Variants in TMIGD2 observed in about 807,000 individuals in gnomAD.
TMIGD2 encodes transmembrane and immunoglobulin domain containing 2, also known as transmembrane and immunoglobulin domain-containing protein 2.
A neutral mutation model predicts 22.6 loss-of-function variants in TMIGD2; 18 were observed. The ratio of observed to expected loss-of-function variants is 0.80; its 90% CI spans 0.55 to 1.18. TMIGD2 has a LOEUF of 1.18. Among genes scored for constraint, TMIGD2 ranks in the 50% most tolerant of loss-of-function variants. The pLI is 0.00. For missense variants in TMIGD2, 361 were observed against 378.2 expected (o/e 0.95, Z 0.38); for synonymous variants, 184 against 154.1 (o/e 1.19, Z -1.44).
In TMIGD2 at chr19:4,293,318, C is replaced by T. The variant is rs568013506; in HGVS notation, c.563-433G>A. On this transcript the variant is annotated intron_variant, in intron 4 of 4. Transcript: ENST00000301272. ...TGTCACCTGGGCTGGAGTGTAGCAG[C>T]GGTGCGATCTCAGCTCACTGCAGTC... Among the ~76,000 whole-genome samples the T allele has an allele frequency of 1.3e-4, 18 of 133,382 alleles. 1 individual carries two copies. The highest frequency in any genetic ancestry group is 5.5e-3 in the Middle Eastern group (1 of 182). 87.5% of individuals were successfully genotyped at this position (133,382 alleles called of 152,430 possible).
At position 4,292,843 on chromosome 19, in the gene TMIGD2, G is replaced by GC. The variant is rs756442311; in HGVS notation, c.604dup (p.Ala202GlyfsTer6). ...AGAGCAGTCCTCACTCTTCTTTGGG[G>GC]CCCCCCGGGGCCGGTATAGGACGTT... is the stretch of plus-strand genomic sequence containing the variant. On this transcript the variant is annotated frameshift_variant, in exon 5 of 5. Transcript: ENST00000301272. LOFTEE classifies it low-confidence loss of function (END_TRUNC). 3 of 1,613,754 alleles carry GC rather than the reference G, an allele frequency of 1.9e-6. No individual in the cohort carries two copies. Among genetic ancestry groups the GC allele is most frequent in the Non-Finnish European group, 1.7e-6 (2 of 1,179,896 alleles).
exon 5 of TMIGD2, chr19:4,292,669 C>G (rs762928645): frequency 6.2e-7 from 1 of 1,606,246 alleles, no homozygotes; most frequent in Non-Finnish European, 8.5e-7. Flanking sequence ...AGGAGAGACC[C>G]TGACCATAGA....
intron 1 of TMIGD2, among the ~76,000 whole-genome samples, chr19:4,300,975 T>C (rs1158629126): frequency 6.6e-6 from 1 of 152,088 alleles, no homozygotes; most frequent in East Asian, 1.9e-4. Flanking sequence ...TTTGTTTTTG[T>C]TTTTGTTTTT....
rs139585674 is a variant in TMIGD2, at chr19:4,294,900, T to G, written c.407-84A>C. The G allele has an allele frequency of 2.7e-4, 355 of 1,309,870 alleles. 3 individuals are homozygous for G. In the East Asian group the frequency reaches 6.0e-3, roughly 22 times the overall value. 81.1% of individuals were successfully genotyped at this position (1,309,870 alleles called of 1,614,324 possible). On this transcript the variant is annotated intron_variant, in intron 2 of 4. Coordinates refer to ENST00000301272, the Ensembl canonical transcript of TMIGD2. ...AGCTCACTTGGGGGGACCTAAGTGT[T>G]CCTCCTCCTGCCAGGCTTTGTGGAT... is the stretch of plus-strand genomic sequence containing the variant.
rs1314268154 is a variant in TMIGD2, at chr19:4,294,732, G to A, written c.448+43C>T. ...AATCAGGAGGGGAAGGGGTGGTGAT[G>A]CGGGTGGAAGACGCTGGGGGAGGAA... On this transcript the variant is annotated intron_variant, in intron 3 of 4. Transcript: ENST00000301272. 6 of 1,571,824 alleles carry A rather than the reference G, an allele frequency of 3.8e-6. No homozygotes were observed. In the East Asian group the frequency reaches 6.9e-5, roughly 18 times the overall value.
intron 1 of TMIGD2, among the ~76,000 whole-genome samples, 198 bp from the exon 2 acceptor site, chr19:4,298,543 C>T (rs578182107): frequency 1.6e-3 from 237 of 152,148 alleles, no homozygotes; most frequent in African/African-American, 5.3e-3. Flanking sequence ...TCCAGACCAG[C>T]CTGGGAACAT....
exon 2 of TMIGD2, chr19:4,298,017 C>A (rs1485167397): frequency 6.2e-7 from 1 of 1,609,252 alleles, no homozygotes; most frequent in East Asian, 2.2e-5. Context: ...TTATGTTGCC[C>A]TCAGCCTCCT....
At chr19:4,301,531 G>A (rs866735009) in intron 1 of TMIGD2, among the ~76,000 whole-genome samples, 3 of 152,170 alleles carry the variant, frequency 2.0e-5, no homozygotes, top group East Asian at 3.9e-4. Context: ...TTAGCCAGGC[G>A]CAGTGGCGCG....
At chr19:4,292,526 C>T (rs1319149073) in exon 5 of TMIGD2, 18 of 1,447,134 alleles carry the variant, frequency 1.2e-5, no homozygotes, top group Middle Eastern at 2.2e-4. Flanking sequence ...CGTGAGCCAC[C>T]GTGTCTGGCC....
At position 4,297,979 on chromosome 19, in the gene TMIGD2, C is replaced by T; in HGVS notation, c.406+7G>A. 1 of 1,565,182 alleles carries T rather than the reference C, an allele frequency of 6.4e-7. No individual in the cohort carries two copies. The highest frequency in any genetic ancestry group is 8.7e-7 in the Non-Finnish European group (1 of 1,151,520). On this transcript the variant is annotated splice_region_variant and intron_variant, in intron 2 of 4. Coordinates refer to ENST00000301272, the Ensembl canonical transcript of TMIGD2. ...CTGCCCCTCCCTCTCCCCGCTGGCTCCCGTACCTGGGTCCACAAAGAGCCT... is the reference window on the plus strand; with the variant it reads ...CTGCCCCTCCCTCTCCCCGCTGGCTTCCGTACCTGGGTCCACAAAGAGCCT...
chr19:4,299,228 C>T (rs903126282), intron 1 of TMIGD2, among the ~76,000 whole-genome samples: 2 of 149,640 alleles, frequency 1.3e-5, no homozygotes, highest in African/African-American at 4.9e-5. Flanking sequence ...CACGGCAGCC[C>T]TGAACTCCTG....
intron 2 of TMIGD2, among the ~76,000 whole-genome samples, chr19:4,295,648 C>T (rs996733055): frequency 2.6e-5 from 4 of 152,056 alleles, no homozygotes; most frequent in Non-Finnish European, 4.4e-5. Flanking sequence ...TCATGAGCCC[C>T]GCCATCTTTA....
At chr19:4,292,682 C>T (rs773814264) in exon 5 of TMIGD2, 47 of 1,602,958 alleles carry the variant, frequency 2.9e-5, no homozygotes, top group Admixed American at 8.8e-5. Context: ...ACCATAGAGA[C>T]GGGGTGGCCG....
At chr19:4,292,546 C>G (rs765025905) in exon 5 of TMIGD2, 6 of 1,554,268 alleles carry the variant, frequency 3.9e-6, no homozygotes, top group East Asian at 2.2e-5. Context: ...CTCGATCCCC[C>G]CTTTTTTGTG....
At chr19:4,301,181 C>A (rs1971531870) in intron 1 of TMIGD2, among the ~76,000 whole-genome samples, 3 of 152,110 alleles carry the variant, frequency 2.0e-5, no homozygotes, top group Admixed American at 2.0e-4. Flanking sequence ...CCAACATGGC[C>A]AGGCTGGTCT....
exon 5 of TMIGD2, chr19:4,292,823 A>G (rs758317620): frequency 1.2e-6 from 2 of 1,613,808 alleles, no homozygotes; most frequent in South Asian, 2.2e-5. Flanking sequence ...TCTCCAGAGC[A>G]GTCCTCACTC....
chr19:4,296,464 C>A (rs1019480548), intron 2 of TMIGD2, among the ~76,000 whole-genome samples: 1 of 152,186 alleles, frequency 6.6e-6, no homozygotes, highest in African/African-American at 2.4e-5. Flanking sequence ...TCTTTTGCAG[C>A]CTCTGAGGTT....
chr19:4,298,475 G>A (rs572432189), intron 1 of TMIGD2, 130 bp from the exon 2 acceptor site: 6 of 1,352,050 alleles, frequency 4.4e-6, no homozygotes, highest in African/African-American at 1.5e-5. Flanking sequence ...AGTGGCTCAC[G>A]CCTGTAGTCC....
At chr19:4,292,797 C>T (rs376475809) in exon 5 of TMIGD2, 44 of 1,613,148 alleles carry the variant, frequency 2.7e-5, no homozygotes, top group Non-Finnish European at 3.7e-5. Context: ...TGCTCTGGCC[C>T]CTCTGGTCCT....
Sources: allele counts gnomAD v4.1 joint callset (sites outside exome capture counted in the v4.1 genomes callset), GRCh38; gene constraint gnomAD v4.1.1; transcripts MANE v1.5; gene names NCBI Gene and HGNC (gene_info 2026-07-23, HGNC 2026-07-21).